Variants in GRID2 observed in about 807,000 individuals in gnomAD.
GRID2 encodes the protein glutamate ionotropic receptor delta type subunit 2, also known as glutamate receptor ionotropic, delta-2.
In GRID2, 33 loss-of-function variants were observed where a neutral mutation model predicts 114.8. The observed-to-expected ratio is 0.29, with a 90% confidence interval of 0.22 to 0.38. The LOEUF is 0.38. Among genes scored for constraint, GRID2 ranks in the 10% least tolerant of loss-of-function variants. GRID2 has a pLI of 1.00. For missense variants in GRID2, 1,184 were observed against 1,257.7 expected (o/e 0.94, Z 0.89); for synonymous variants, 505 against 449.9 (o/e 1.12, Z -1.55).
chr4:93,591,478 T>C (rs911160696), intron 13 of GRID2, among the ~76,000 whole-genome samples: 5 of 152,170 alleles, frequency 3.3e-5, no homozygotes, highest in Non-Finnish European at 5.9e-5. Context: ...TTGAGGATTT[T>C]TGCATCAATG....
At chr4:93,546,645 G>C (rs1006806486) in intron 13 of GRID2, among the ~76,000 whole-genome samples, 2 of 152,108 alleles carry the variant, frequency 1.3e-5, no homozygotes, top group African/African-American at 4.8e-5. Flanking sequence ...TGAAAGTAAT[G>C]ACTCTTTTTC....
chr4:93,423,931 A>G (rs1165037626), intron 10 of GRID2, among the ~76,000 whole-genome samples: 2 of 151,738 alleles, frequency 1.3e-5, no homozygotes, highest in Admixed American at 1.3e-4. Flanking sequence ...AATTAAATAT[A>G]TTTCAGTATT....
chr4:93,033,028 A>G (rs930165482), intron 2 of GRID2, among the ~76,000 whole-genome samples: 1 of 152,238 alleles, frequency 6.6e-6, no homozygotes, highest in Non-Finnish European at 1.5e-5. Context: ...ATAAAGTAAC[A>G]CAGATTTTTG....
intron 1 of GRID2, among the ~76,000 whole-genome samples, chr4:93,803,748 T>G (rs539419900): frequency 2.6e-4 from 40 of 152,302 alleles, no homozygotes; most frequent in Non-Finnish European, 3.7e-4. Flanking sequence ...AACACCTTTT[T>G]CAAATATACT....
At chr4:93,787,608 C>CCTA (rs1464089222) in intron 1 of GRID2, among the ~76,000 whole-genome samples, 1 of 152,160 alleles carries the variant, frequency 6.6e-6, no homozygotes, top group Non-Finnish European at 1.5e-5. Flanking sequence ...ATATAATTTA[C>CCTA]CTACTGGTCA....
chr4:93,637,219 T>C (rs1721491377), intron 14 of GRID2, among the ~76,000 whole-genome samples: 1 of 152,186 alleles, frequency 6.6e-6, no homozygotes. Flanking sequence ...TCGACATTCA[T>C]TGAAAACTCA....
At chr4:92,785,515 T>C (rs1739280859) in intron 2 of GRID2, among the ~76,000 whole-genome samples, 1 of 151,754 alleles carries the variant, frequency 6.6e-6, no homozygotes, top group Non-Finnish European at 1.5e-5. Context: ...GTCAGTATTC[T>C]AACCAAAAAT....
intron 1 of GRID2, among the ~76,000 whole-genome samples, chr4:92,346,768 T>G (rs1727785081): frequency 6.6e-6 from 1 of 152,216 alleles, no homozygotes; most frequent in Admixed American, 6.5e-5. Context: ...TTGGAATAGT[T>G]AATAAAATCA....
At chr4:93,644,006 A>C (rs1191870934) in intron 14 of GRID2, among the ~76,000 whole-genome samples, 1 of 92,630 alleles carries the variant, frequency 1.1e-5, no homozygotes, top group Admixed American at 9.4e-5. Context: ...TGTGGGATAT[A>C]GTCTCGTGGT....
chr4:93,275,149 T>G (rs1751911557), intron 8 of GRID2, among the ~76,000 whole-genome samples: 1 of 151,920 alleles, frequency 6.6e-6, no homozygotes, highest in Non-Finnish European at 1.5e-5. Context: ...ACATTTCACA[T>G]AAAGGGAAAC....
chr4:92,337,770 G>A (rs1434853080), intron 1 of GRID2, among the ~76,000 whole-genome samples: 1 of 152,156 alleles, frequency 6.6e-6, no homozygotes, highest in Non-Finnish European at 1.5e-5. Flanking sequence ...GGAGATTTGG[G>A]TGGGGACACA....
chr4:93,496,673 T>C (rs976691556), intron 12 of GRID2, among the ~76,000 whole-genome samples: 3 of 151,848 alleles, frequency 2.0e-5, no homozygotes, highest in African/African-American at 4.8e-5. Context: ...CAGCATAATA[T>C]CCTTGAGATC....
At chr4:93,012,547 G>T (rs779423022) in intron 2 of GRID2, among the ~76,000 whole-genome samples, 2 of 152,038 alleles carry the variant, frequency 1.3e-5, no homozygotes, top group African/African-American at 2.4e-5. Context: ...CATGATGGAT[G>T]ATGTGTATCA....
intron 10 of GRID2, among the ~76,000 whole-genome samples, chr4:93,425,633 G>A (rs937432321): frequency 1.4e-4 from 22 of 152,114 alleles, no homozygotes; most frequent in African/African-American, 5.3e-4. Context: ...GTCAGCTAAG[G>A]ATTTTAGAAA....
intron 10 of GRID2, among the ~76,000 whole-genome samples, chr4:93,452,007 A>G (rs1285827055): frequency 6.6e-6 from 1 of 152,304 alleles, no homozygotes; most frequent in South Asian, 2.1e-4. Context: ...CAGAGCTCAG[A>G]TACACATCTA....
chr4:93,542,653 T>A (rs1344160026), intron 13 of GRID2, among the ~76,000 whole-genome samples: 1 of 152,068 alleles, frequency 6.6e-6, no homozygotes, highest in Non-Finnish European at 1.5e-5. Context: ...TGAAAAAGTG[T>A]GAGGAGGGCT....
At chr4:93,531,179 G>A (rs1731407735) in intron 13 of GRID2, among the ~76,000 whole-genome samples, 1 of 152,094 alleles carries the variant, frequency 6.6e-6, no homozygotes, top group South Asian at 2.1e-4. Flanking sequence ...GAAAGACAGA[G>A]TAAGACGAAG....
rs115682263 is a variant in GRID2, at chr4:92,859,347, G to A, written c.245-225648G>A. 7.8e-3 allele frequency among the ~76,000 whole-genome samples: 1,190 copies of A among 152,152 alleles called. 12 individuals carry two copies. Among genetic ancestry groups the A allele is most frequent in the Non-Finnish European group, 0.012 (828 of 67,994 alleles). ...GCTATTGTTGATTTGATAGACTATA[G>A]TATAGTATAAACACAATGTTTATAT... On this transcript the variant is annotated intron_variant, in intron 2 of 15. Coordinates refer to ENST00000282020, the MANE Select transcript of GRID2 (RefSeq NM_001510.4).
chr4:93,184,886 A>T (rs950836316), intron 4 of GRID2, among the ~76,000 whole-genome samples: 5 of 152,090 alleles, frequency 3.3e-5, no homozygotes, highest in African/African-American at 1.2e-4. Flanking sequence ...TGTCTGAAAA[A>T]AAACACAAAA....
Sources: gnomAD v4.1 joint callset for allele counts (sites outside exome capture counted in the v4.1 genomes callset) on GRCh38, gnomAD v4.1.1 for gene constraint, MANE v1.5 for transcripts, NCBI Gene and HGNC (gene_info 2026-07-23, HGNC 2026-07-21) for gene names.